Variants in APBB2 observed in about 807,000 individuals in gnomAD.
APBB2 encodes amyloid beta precursor protein binding family B member 2, also known as Fe65-like 1.
In APBB2, 38 loss-of-function variants were observed where a neutral mutation model predicts 82.5. The observed-to-expected ratio is 0.46, with a 90% CI of 0.36 to 0.60. The LOEUF (loss-of-function observed/expected upper bound fraction) is 0.60, where lower values mean the gene tolerates loss of function less well. Ranked by LOEUF, APBB2 falls within the 20% of genes least tolerant of loss-of-function variation. APBB2 has a pLI of 0.00. For synonymous variants in APBB2, 341 were observed against 368.2 expected, an observed-to-expected ratio of 0.93 and a Z score of 0.85; for missense variants, 772 against 972.3, an observed-to-expected ratio of 0.79 and a Z score of 2.74.
intron 5 of APBB2, among the ~76,000 whole-genome samples, chr4:41,029,658 AAAC>A (rs1244595057): frequency 1.3e-5 from 2 of 152,210 alleles, no homozygotes; most frequent in Non-Finnish European, 2.9e-5. Context: ...ACACATTTCA[AAAC>A]AACATGTTGT....
In APBB2 at chr4:40,826,765, C is replaced by G. The variant is rs1750087668; in HGVS notation, c.1732+367G>C. ...GGTAACTCACTACCTTCAGACCAGC[C>G]CAACCCACGTGTTTTTAAACCAGCC... On this transcript the variant is annotated intron_variant, in intron 14 of 17. Transcript: ENST00000508593. The surrounding 1 kb of genome is among the most constrained non-coding windows in gnomAD (Gnocchi z 4.5). 1 of 197,208 alleles carries G rather than the reference C, an allele frequency of 5.1e-6. No individual in the cohort carries two copies. The highest frequency in any genetic ancestry group is 1.6e-4 in the East Asian group (1 of 6,112). 12.2% of individuals were successfully genotyped at this position (197,208 alleles called of 1,614,324 possible). A position where few individuals can be genotyped will look rare whatever the true frequency, so the allele number is the denominator to read the frequency against.
chr4:41,125,649 T>A (rs1754160037), intron 2 of APBB2, among the ~76,000 whole-genome samples: 1 of 152,340 alleles, frequency 6.6e-6, no homozygotes, highest in South Asian at 2.1e-4. Flanking sequence ...TTGGAAGACC[T>A]CTAAGTGCTC....
intron 6 of APBB2, among the ~76,000 whole-genome samples, chr4:40,953,665 G>A (rs1218323341): frequency 6.6e-6 from 1 of 152,154 alleles, no homozygotes; most frequent in Admixed American, 6.5e-5. Flanking sequence ...CGTGCTAGAA[G>A]CCTTAAAGAT....
intron 6 of APBB2, among the ~76,000 whole-genome samples, chr4:40,997,433 T>C (rs1342784848): frequency 6.6e-6 from 1 of 152,236 alleles, no homozygotes; most frequent in Non-Finnish European, 1.5e-5. Flanking sequence ...CCTTTTCTCA[T>C]AAGCATCACT....
intron 12 of APBB2, chr4:40,881,280 A>G (rs1409490705): frequency 3.0e-6 from 3 of 985,232 alleles, no homozygotes; most frequent in East Asian, 1.1e-4. Flanking sequence ...AAGACAGCAC[A>G]TACCATAGAT....
At chr4:40,901,319 C>G (rs1775212772) in intron 10 of APBB2, among the ~76,000 whole-genome samples, 1 of 152,124 alleles carries the variant, frequency 6.6e-6, no homozygotes, top group African/African-American at 2.4e-5. Flanking sequence ...GGTCTCTGAT[C>G]CCCCAATCCT....
At chr4:40,822,878 C>G (rs1748490223) in intron 16 of APBB2, among the ~76,000 whole-genome samples, 1 of 151,966 alleles carries the variant, frequency 6.6e-6, no homozygotes, top group South Asian at 2.1e-4. Context: ...GAGGGTGGAG[C>G]ATGGAGGGTG....
At chr4:40,898,377 C>T (rs1774286197) in intron 10 of APBB2, among the ~76,000 whole-genome samples, 2 of 152,312 alleles carry the variant, frequency 1.3e-5, no homozygotes, top group South Asian at 4.1e-4. Flanking sequence ...GATTCTCCTG[C>T]CTCAGCCTCC....
intron 10 of APBB2, among the ~76,000 whole-genome samples, chr4:40,923,269 TGCCCA>T (rs1781801874): frequency 6.6e-6 from 1 of 152,244 alleles, no homozygotes. Flanking sequence ...GCCACGGTCG[TGCCCA>T]GCCTCTCCAT....
chr4:40,933,534 A>G (rs1464017655), intron 10 of APBB2, among the ~76,000 whole-genome samples: 1 of 152,130 alleles, frequency 6.6e-6, no homozygotes, highest in African/African-American at 2.4e-5. Flanking sequence ...GCCAGCCCAG[A>G]CTGGGCTGGT....
intron 6 of APBB2, among the ~76,000 whole-genome samples, chr4:40,959,569 C>T (rs1792541483): frequency 6.6e-6 from 1 of 152,116 alleles, no homozygotes; most frequent in South Asian, 2.1e-4. Context: ...AAGTTAGATA[C>T]TTCAACAAAA....
At chr4:40,964,137 A>C (rs1242508237) in intron 6 of APBB2, among the ~76,000 whole-genome samples, 1 of 152,192 alleles carries the variant, frequency 6.6e-6, no homozygotes, top group Non-Finnish European at 1.5e-5. Flanking sequence ...CATTTAAAAA[A>C]AAAATAAATT....
chr4:40,974,304 G>A (rs535722397), intron 6 of APBB2, among the ~76,000 whole-genome samples: 23 of 152,066 alleles, frequency 1.5e-4, no homozygotes, highest in African/African-American at 4.6e-4. Context: ...CTTTCTGGGC[G>A]GACACAATTC....
intron 12 of APBB2, among the ~76,000 whole-genome samples, chr4:40,873,425 A>G (rs1292623033): frequency 2.0e-5 from 3 of 152,232 alleles, no homozygotes; most frequent in African/African-American, 4.8e-5. Context: ...TAACTTCTAC[A>G]GCTTCTCTTA....
At chr4:41,039,322 C>A (rs1437376603) in intron 4 of APBB2, among the ~76,000 whole-genome samples, 2 of 152,176 alleles carry the variant, frequency 1.3e-5, no homozygotes, top group African/African-American at 2.4e-5. Context: ...GTTCTAGCCA[C>A]CCCCAAACCC....
chr4:40,838,748 C>T (rs923235850), intron 12 of APBB2, among the ~76,000 whole-genome samples: 5 of 152,170 alleles, frequency 3.3e-5, no homozygotes, highest in African/African-American at 9.7e-5. Context: ...GGATTACAGG[C>T]GTGAGCCACC....
At chr4:41,163,694 C>A (rs1765757040) in intron 1 of APBB2, among the ~76,000 whole-genome samples, 1 of 152,164 alleles carries the variant, frequency 6.6e-6, no homozygotes, top group Non-Finnish European at 1.5e-5. Flanking sequence ...AACACTGGAC[C>A]AATCCACTTT....
chr4:40,966,330 G>T (rs944133351), intron 6 of APBB2, among the ~76,000 whole-genome samples: 3 of 152,236 alleles, frequency 2.0e-5, no homozygotes, highest in Admixed American at 2.0e-4. Context: ...TGTGATGGCA[G>T]CGGTAGCCCA....
intron 4 of APBB2, among the ~76,000 whole-genome samples, chr4:41,053,647 T>A (rs1181479260): frequency 6.6e-6 from 1 of 152,072 alleles, no homozygotes; most frequent in Admixed American, 6.5e-5. Context: ...TAGTTTCCTA[T>A]AAAGCCATAA....
Sources: gnomAD v4.1 joint callset for allele counts (sites outside exome capture counted in the v4.1 genomes callset) on GRCh38, gnomAD v4.1.1 for gene constraint, Gnocchi (gnomAD v3.1) non-coding constraint, MANE v1.5 for transcripts, NCBI Gene and HGNC (gene_info 2026-07-23, HGNC 2026-07-21) for gene names.